The following SGCZ variants were observed in gnomAD, a reference collection of about 807,000 sequenced individuals.
SGCZ encodes the protein zeta-sarcoglycan.
Under a neutral mutation model 41.3 loss-of-function variants are expected in SGCZ, and 40 were observed. The ratio of observed to expected loss-of-function variants is 0.97; its 90% confidence interval spans 0.75 to 1.26. The LOEUF is 1.26. Among genes scored for constraint, SGCZ ranks in the 50% most tolerant of loss-of-function variants. The pLI is 0.00. For synonymous variants in SGCZ, 206 were observed against 137.5 expected, an observed-to-expected ratio of 1.50 and a Z score of -3.49; for missense variants, 552 against 369.8, an observed-to-expected ratio of 1.49 and a Z score of -4.04.
chr8:14,738,912 C>T (rs1218709524), intron 1 of SGCZ, among the ~76,000 whole-genome samples: 1 of 152,026 alleles, frequency 6.6e-6, no homozygotes, highest in Non-Finnish European at 1.5e-5. Flanking sequence ...CCCAGGTAGG[C>T]TCTCTCTGGG....
intron 1 of SGCZ, among the ~76,000 whole-genome samples, chr8:15,048,726 T>C (rs181685568): frequency 3.5e-4 from 54 of 152,276 alleles, no homozygotes; most frequent in Admixed American, 1.2e-3. Context: ...TATCTGTTTA[T>C]AATCTACTTC....
rs141493042 is a variant in SGCZ, at chr8:14,854,881, C to T, written c.40-299955G>A. Among the ~76,000 whole-genome samples, 195 of 151,694 alleles carry T rather than the reference C, an allele frequency of 1.3e-3. 2 individuals are homozygous for T. The highest frequency in any genetic ancestry group is 4.6e-3 in the African/African-American group (189 of 41,368). ...ACCCTAGACATCAAAGGCTGCACTG[C>T]CACTATTCACAGAGATATGTCAGCA... On this transcript the variant is annotated intron_variant, in intron 1 of 7. Coordinates refer to ENST00000382080, the MANE Select transcript of SGCZ (RefSeq NM_139167.4).
intron 1 of SGCZ, among the ~76,000 whole-genome samples, chr8:14,708,163 C>A (rs1324670643): frequency 6.6e-6 from 1 of 151,628 alleles, no homozygotes; most frequent in Non-Finnish European, 1.5e-5. Context: ...ATTAGACTTT[C>A]AATTTTCATT....
chr8:14,979,579 G>A (rs964704440), intron 1 of SGCZ, among the ~76,000 whole-genome samples: 1 of 152,186 alleles, frequency 6.6e-6, no homozygotes, highest in African/African-American at 2.4e-5. Flanking sequence ...TTTACTTGAT[G>A]TAAATAAAGC....
intron 1 of SGCZ, among the ~76,000 whole-genome samples, chr8:15,158,146 A>G (rs1274237088): frequency 6.7e-6 from 1 of 149,068 alleles, no homozygotes; most frequent in Non-Finnish European, 1.5e-5. Context: ...ATCTCTTATC[A>G]CAATTTTTCT....
chr8:14,262,963 C>T (rs901339410), intron 3 of SGCZ, among the ~76,000 whole-genome samples: 11 of 152,194 alleles, frequency 7.2e-5, no homozygotes, highest in East Asian at 5.8e-4. Flanking sequence ...CCTTGATTTA[C>T]GCGAACACTT....
intron 4 of SGCZ, among the ~76,000 whole-genome samples, chr8:14,189,012 C>T (rs1251900338): frequency 2.1e-5 from 2 of 96,490 alleles, no homozygotes; most frequent in African/African-American, 5.0e-5. Context: ...CCTGCCACCA[C>T]GCCCAGCTTT....
intron 3 of SGCZ, among the ~76,000 whole-genome samples, chr8:14,262,928 A>T (rs1314223269): frequency 1.3e-5 from 2 of 152,044 alleles, no homozygotes; most frequent in Admixed American, 1.3e-4. Flanking sequence ...AGAAAACAAA[A>T]CCAAAATTGA....
intron 2 of SGCZ, among the ~76,000 whole-genome samples, chr8:14,329,867 TC>T (rs1802252505): frequency 6.6e-6 from 1 of 151,950 alleles, no homozygotes; most frequent in Non-Finnish European, 1.5e-5. Context: ...TGCTTTTTTT[TC>T]ATCATCACTC....
chr8:15,232,158 A>G (rs1347030633), intron 1 of SGCZ, among the ~76,000 whole-genome samples: 1 of 152,228 alleles, frequency 6.6e-6, no homozygotes, highest in African/African-American at 2.4e-5. Flanking sequence ...TTAAAGTTGT[A>G]AGCTCTGCCA....
intron 1 of SGCZ, among the ~76,000 whole-genome samples, chr8:15,186,053 CTTT>C (rs1226840945): frequency 6.8e-6 from 1 of 147,384 alleles, no homozygotes; most frequent in Non-Finnish European, 1.5e-5. Flanking sequence ...GAAACCCCGT[CTTT>C]ACTAAAAATA....
intron 1 of SGCZ, among the ~76,000 whole-genome samples, chr8:14,958,477 G>A (rs918853832): frequency 6.6e-5 from 10 of 151,996 alleles, no homozygotes; most frequent in African/African-American, 1.9e-4. Flanking sequence ...AGATGAACAC[G>A]AAAGGTCACA....
At chr8:14,679,275 TA>T (rs945834359) in intron 1 of SGCZ, among the ~76,000 whole-genome samples, 3 of 152,078 alleles carry the variant, frequency 2.0e-5, no homozygotes, top group South Asian at 2.1e-4. Flanking sequence ...TTTGCATACA[TA>T]TTTTTTTTAA....
At chr8:14,563,147 A>G (rs1164074224) in intron 1 of SGCZ, among the ~76,000 whole-genome samples, 2 of 152,146 alleles carry the variant, frequency 1.3e-5, no homozygotes, top group South Asian at 2.1e-4. Flanking sequence ...CCTCCTCCAC[A>G]GTGTGCTTCC....
In SGCZ at chr8:14,554,946, G is replaced by C. The variant is rs749304978; in HGVS notation, c.40-20C>G. On this transcript the variant is annotated intron_variant, in intron 1 of 7. Transcript: ENST00000382080. ...TGTCATCTGAAAAAGAAAAAAGAAA[G>C]AAAGAGAAAGAAGGAAAAAAAAAGA... 3.5e-6 allele frequency: 5 copies of C among 1,442,784 alleles called. No homozygotes were observed. Among genetic ancestry groups the C allele is most frequent in the South Asian group, 3.2e-5 (2 of 62,014 alleles). 89.4% of individuals were successfully genotyped at this position (1,442,784 alleles called of 1,614,324 possible).
intron 2 of SGCZ, among the ~76,000 whole-genome samples, chr8:14,418,920 T>C (rs1441662442): frequency 6.6e-6 from 1 of 152,010 alleles, no homozygotes; most frequent in African/African-American, 2.4e-5. Flanking sequence ...GTCCCAAATG[T>C]ACACTTCATA....
At chr8:14,525,197 C>T (rs201542735) in intron 2 of SGCZ, among the ~76,000 whole-genome samples, 45 of 103,634 alleles carry the variant, frequency 4.3e-4, no homozygotes, top group South Asian at 1.1e-3. Flanking sequence ...GATAGATAGA[C>T]AGACAGACAG....
intron 1 of SGCZ, among the ~76,000 whole-genome samples, chr8:15,172,565 T>C (rs1799876766): frequency 1.3e-5 from 2 of 152,154 alleles, no homozygotes. Flanking sequence ...TTATAAAAAA[T>C]TAAAATCTAA....
intron 1 of SGCZ, among the ~76,000 whole-genome samples, chr8:14,652,134 A>G (rs1196831723): frequency 6.6e-6 from 1 of 151,742 alleles, no homozygotes; most frequent in African/African-American, 2.4e-5. Flanking sequence ...AAATTATGGT[A>G]GTGAGAAATA....
Sources: allele counts gnomAD v4.1 joint callset (sites outside exome capture counted in the v4.1 genomes callset), GRCh38; gene constraint gnomAD v4.1.1; transcripts MANE v1.5; gene names NCBI Gene and HGNC (gene_info 2026-07-23, HGNC 2026-07-21).